Variants in STXBP5L observed in about 807,000 individuals in gnomAD.
STXBP5L encodes syntaxin binding protein 5L, also known as syntaxin-binding protein 5-like.
A neutral mutation model predicts 144.5 loss-of-function variants in STXBP5L; 65 were observed. The observed-to-expected ratio is 0.45, with a 90% confidence interval of 0.37 to 0.55. The LOEUF (loss-of-function observed/expected upper bound fraction) is 0.55, where lower values mean the gene tolerates loss of function less well. Among genes scored for constraint, STXBP5L ranks in the 20% least tolerant of loss-of-function variants. The probability of loss-of-function intolerance (pLI) is 0.00; values close to 1 mark genes in which losing one functional copy is unlikely to be tolerated. For missense variants in STXBP5L, 1,298 were observed against 1,405.5 expected (o/e 0.92, Z 1.22); for synonymous variants, 505 against 469.6 (o/e 1.08, Z -0.97).
At chr3:121,196,306 T>A (rs560423085) in intron 9 of STXBP5L, among the ~76,000 whole-genome samples, 1 of 151,836 alleles carries the variant, frequency 6.6e-6, no homozygotes, top group African/African-American at 2.4e-5. Context: ...GGCTAATTTT[T>A]TTTTGTATTT....
chr3:121,253,952 C>T (rs984184999), intron 15 of STXBP5L, among the ~76,000 whole-genome samples: 4 of 151,704 alleles, frequency 2.6e-5, no homozygotes, highest in African/African-American at 4.8e-5. Context: ...TGCGCCCGGC[C>T]GCAAATTAAT....
At chr3:120,993,505 A>G (rs1943091212) in intron 3 of STXBP5L, among the ~76,000 whole-genome samples, 1 of 152,018 alleles carries the variant, frequency 6.6e-6, no homozygotes, top group Non-Finnish European at 1.5e-5. Context: ...TTAGGGGTCT[A>G]GTTTCATTGT....
intron 7 of STXBP5L, among the ~76,000 whole-genome samples, chr3:121,137,404 A>G (rs2045310178): frequency 6.6e-6 from 1 of 152,174 alleles, no homozygotes; most frequent in South Asian, 2.1e-4. Context: ...CTTATGAACA[A>G]TTTTATGCCA....
At chr3:121,081,574 G>A (rs955611135) in intron 5 of STXBP5L, among the ~76,000 whole-genome samples, 4 of 152,112 alleles carry the variant, frequency 2.6e-5, no homozygotes, top group African/African-American at 7.2e-5. Context: ...GGTTAGAATG[G>A]CAGGGATCTC....
At chr3:120,927,786 T>C (rs536178555) in intron 2 of STXBP5L, among the ~76,000 whole-genome samples, 1 of 152,334 alleles carries the variant, frequency 6.6e-6, no homozygotes, top group East Asian at 1.9e-4. Context: ...AGGTTTTCTG[T>C]ATGGGCAGTG....
chr3:121,157,773 A>T (rs1024203323), intron 9 of STXBP5L, 146 bp downstream of exon 9: 3 of 1,059,376 alleles, frequency 2.8e-6, no homozygotes, highest in African/African-American at 1.7e-5. Flanking sequence ...CCACCTACAG[A>T]TCCCAACATT....
Position 121,068,830 on chromosome 3 carries a change from T to C in STXBP5L, c.470+23295T>C, listed in dbSNP as rs2041670909. Among the ~76,000 whole-genome samples, 5 of 152,206 alleles carry C rather than the reference T, an allele frequency of 3.3e-5. No homozygotes were observed. The South Asian group carries it at 8.3e-4, about 25-fold the overall frequency. The stretch of plus-strand genomic sequence containing the variant: ...TTTCTTTTGCCTGAAAATTTTTCTT[T>C]ATTCTTTATTTTACTGCAGCTTTGT... On this transcript the variant is annotated intron_variant, in intron 5 of 26. Coordinates refer to ENST00000471454, the MANE Select transcript of STXBP5L (RefSeq NM_001308330.2).
intron 7 of STXBP5L, among the ~76,000 whole-genome samples, chr3:121,135,813 T>C (rs566648110): frequency 9.9e-5 from 15 of 152,270 alleles, no homozygotes; most frequent in African/African-American, 2.9e-4. Flanking sequence ...ACCACCTTGG[T>C]GTCATGAAAA....
chr3:120,970,900 A>T (rs1940173651), intron 3 of STXBP5L, among the ~76,000 whole-genome samples: 1 of 152,106 alleles, frequency 6.6e-6, no homozygotes, highest in Admixed American at 6.6e-5. Flanking sequence ...TCTGGGGAAG[A>T]CTTACAGTGA....
At chr3:121,070,753 T>G (rs916917356) in intron 5 of STXBP5L, among the ~76,000 whole-genome samples, 1 of 152,142 alleles carries the variant, frequency 6.6e-6, no homozygotes, top group Non-Finnish European at 1.5e-5. Context: ...ATTATTTAGT[T>G]TACTGAGATG....
chr3:121,127,499 A>G lies in STXBP5L; in HGVS notation c.669+5795A>G, dbSNP rs190553679. Reference sequence around the variant, plus strand: ...ATGTTCCTTGACTTGTGGCAGTATAACACCAATCTCTGCCTTCATTTTCCA... The same window carrying G: ...ATGTTCCTTGACTTGTGGCAGTATAGCACCAATCTCTGCCTTCATTTTCCA... On this transcript the variant is annotated intron_variant, in intron 7 of 26. Transcript: ENST00000471454. 1.1e-3 allele frequency among the ~76,000 whole-genome samples: 172 copies of G among 151,880 alleles called. 1 individual carries two copies. In the Middle Eastern group the frequency reaches 0.014, roughly 12 times the overall value.
intron 3 of STXBP5L, among the ~76,000 whole-genome samples, chr3:120,962,937 C>T (rs1008095151): frequency 6.6e-6 from 1 of 152,190 alleles, no homozygotes; most frequent in African/African-American, 2.4e-5. Flanking sequence ...TGTTTGTGTC[C>T]TCTTTTATTT....
Position 121,193,234 on chromosome 3 carries a change from C to G in STXBP5L, c.878-12689C>G, listed in dbSNP as rs535994807. The stretch of plus-strand genomic sequence containing the variant: ...ACACATGAAAAAATGCTCATCATCA[C>G]TGGCCGTCAGAGAAATGCAAATCAA... On this transcript the variant is annotated intron_variant, in intron 9 of 26. Transcript: ENST00000471454. Among the ~76,000 whole-genome samples, 9 of 143,466 alleles carry G rather than the reference C, an allele frequency of 6.3e-5. 3 individuals carry two copies. The East Asian group carries it at 2.6e-3, about 41-fold the overall frequency. 94.1% of individuals were successfully genotyped at this position (143,466 alleles called of 152,430 possible). A position where few individuals can be genotyped will look rare whatever the true frequency, so the allele number is the denominator to read the frequency against.
intron 24 of STXBP5L, among the ~76,000 whole-genome samples, chr3:121,413,812 C>G (rs963496746): frequency 5.9e-5 from 9 of 152,138 alleles, no homozygotes; most frequent in Non-Finnish European, 2.9e-5. Flanking sequence ...AATGTCTAAC[C>G]TTCTGTAAGA....
chr3:121,025,203 C>A (rs1945843141), intron 3 of STXBP5L, among the ~76,000 whole-genome samples: 1 of 151,974 alleles, frequency 6.6e-6, no homozygotes, highest in Admixed American at 6.6e-5. Flanking sequence ...GGTTTTTAAG[C>A]CTCCCCTATT....
chr3:121,055,555 G>T lies in STXBP5L; in HGVS notation c.470+10020G>T, dbSNP rs552785941. Among the ~76,000 whole-genome samples the T allele has an allele frequency of 1.9e-3, 290 of 152,056 alleles. 2 individuals carry two copies. The highest frequency in any genetic ancestry group is 4.3e-3 in the East Asian group (22 of 5,168). Reference sequence around the variant, plus strand: ...AGACAGGGTCCTGCTCTGTCTCCCAGGCTGGAGTGCAATGGTGTGATCCTA... The same window carrying T: ...AGACAGGGTCCTGCTCTGTCTCCCATGCTGGAGTGCAATGGTGTGATCCTA... On this transcript the variant is annotated intron_variant, in intron 5 of 26. Coordinates refer to ENST00000471454, the MANE Select transcript of STXBP5L (RefSeq NM_001308330.2).
At chr3:121,353,188 T>A (rs1373410546) in intron 20 of STXBP5L, among the ~76,000 whole-genome samples, 1 of 152,222 alleles carries the variant, frequency 6.6e-6, no homozygotes, top group Admixed American at 6.5e-5. Context: ...AGCATGATGT[T>A]GGCCTCATAA....
At chr3:121,083,838 G>C (rs1477959046) in intron 5 of STXBP5L, among the ~76,000 whole-genome samples, 2 of 152,064 alleles carry the variant, frequency 1.3e-5, no homozygotes, top group African/African-American at 4.8e-5. Context: ...CTAGTTTACA[G>C]TTTCTGAGGA....
chr3:121,048,220 T>A (rs1947659287), intron 5 of STXBP5L, among the ~76,000 whole-genome samples: 1 of 152,114 alleles, frequency 6.6e-6, no homozygotes, highest in Non-Finnish European at 1.5e-5. Context: ...AGGTCCTCTG[T>A]TAGCCTGATG....
Sources: gnomAD v4.1 joint callset for allele counts (sites outside exome capture counted in the v4.1 genomes callset) on GRCh38, gnomAD v4.1.1 for gene constraint, MANE v1.5 for transcripts, NCBI Gene and HGNC (gene_info 2026-07-23, HGNC 2026-07-21) for gene names.